The following ARHGEF10 variants were observed in gnomAD, a reference collection of about 807,000 sequenced individuals.
The protein encoded by ARHGEF10 is Rho guanine nucleotide exchange factor 10, also known as Rho guanine nucleotide exchange factor (GEF) 10.
A neutral mutation model predicts 147.4 loss-of-function variants in ARHGEF10; 140 were observed. The observed-to-expected ratio is 0.95, with a 90% CI of 0.83 to 1.09. The LOEUF is 1.09. Ranked by LOEUF, ARHGEF10 falls within the 50% of genes least tolerant of loss-of-function variation. The pLI is 0.00. For missense variants in ARHGEF10, 2,222 were observed against 1,752.7 expected (o/e 1.27, Z -4.78); for synonymous variants, 902 against 695.8 (o/e 1.30, Z -4.67).
rs1022974188 is a variant in ARHGEF10 at position 1,858,069 on chromosome 8, C to T, written c.147C>T (p.Ala49=). 6.2e-7 allele frequency: 1 copy of T among 1,613,824 alleles called. No individual in the cohort carries two copies. Among genetic ancestry groups the T allele is most frequent in the Admixed American group, 1.7e-5 (1 of 59,962 alleles). The change falls in exon 3 of 29, where the codon GCC becomes GCT. Residue 49 remains alanine, a synonymous_variant. Transcript: ENST00000349830. ...IPEADRQAPS[A]PETGGAGASE... ...AAGCGGACAGACAGGCCCCATCCGC[C>T]CCTGAGACAGGAGGTGCTGGAGCCA...
intron 27 of ARHGEF10, among the ~76,000 whole-genome samples, chr8:1,951,653 T>A (rs1815059552): frequency 6.6e-6 from 1 of 152,214 alleles, no homozygotes; most frequent in Non-Finnish European, 1.5e-5. Flanking sequence ...CAGAAAAGAA[T>A]CAAACTGTTT....
chr8:1,837,196 G>T (rs534011376), intron 1 of ARHGEF10, among the ~76,000 whole-genome samples: 1 of 152,374 alleles, frequency 6.6e-6, no homozygotes, highest in African/African-American at 2.4e-5. Context: ...GGCAAGGCCT[G>T]GGCCAGAATC....
intron 1 of ARHGEF10, among the ~76,000 whole-genome samples, chr8:1,834,547 G>A (rs1024725448): frequency 7.9e-5 from 12 of 152,136 alleles, no homozygotes; most frequent in Non-Finnish European, 1.6e-4. Flanking sequence ...GGGTTCTCCC[G>A]AGTCTTAGAG....
At chr8:1,872,094 A>G (rs977386452) in intron 7 of ARHGEF10, among the ~76,000 whole-genome samples, 1 of 152,200 alleles carries the variant, frequency 6.6e-6, no homozygotes, top group African/African-American at 2.4e-5. Flanking sequence ...GAAGGAAGGA[A>G]AAAGTTGATC....
At position 1,941,932 on chromosome 8, in the gene ARHGEF10, T is replaced by A. The variant is rs574133175; in HGVS notation, c.3223-3549T>A. 1.7e-4 allele frequency among the ~76,000 whole-genome samples: 26 copies of A among 152,302 alleles called. No homozygotes were observed. The East Asian group carries it at 5.0e-3, about 29-fold the overall frequency. On this transcript the variant is annotated intron_variant, in intron 26 of 28. Coordinates refer to ENST00000349830, the MANE Select transcript of ARHGEF10 (RefSeq NM_014629.4). ...TTCTTCCATGTGCAGAAGAATGAAG[T>A]TGGACCCCTGCCTCACACCACATAC... is the stretch of plus-strand genomic sequence containing the variant.
intron 18 of ARHGEF10, among the ~76,000 whole-genome samples, chr8:1,919,418 T>TTGGGTGATGGAGCTGTTCCA (rs1187409480): frequency 3.1e-5 from 4 of 128,248 alleles, no homozygotes; most frequent in East Asian, 5.0e-4. Context: ...GAGCTGTTCC[T>TTGGGTGATGGAGCTGTTCCA]TGGGTGATGG....
At chr8:1,864,322 G>C in intron 4 of ARHGEF10, 51 bp from the exon 5 acceptor site, 1 of 1,571,496 alleles carries the variant, frequency 6.4e-7, no homozygotes, top group Non-Finnish European at 8.8e-7. Context: ...TCAACTTCAT[G>C]AGCATTTTTG....
rs750233997 is a variant in ARHGEF10 at position 1,922,990 on chromosome 8, C to T, written c.2170C>T (p.Leu724=). The change falls in exon 19 of 29, where the codon CTG becomes TTG. Residue 724 remains leucine (L), a synonymous_variant. Transcript: ENST00000349830. ...CAAAGTTTACATGGGGCCAGGACAACTGTATCAAGATTTACAAAACTTGTT... is the reference window on the plus strand; with the variant it reads ...CAAAGTTTACATGGGGCCAGGACAATTGTATCAAGATTTACAAAACTTGTT... ...PNKVYMGPGQ[L]YQDLQNLLHD... 7 of 1,613,268 alleles carry T rather than the reference C, an allele frequency of 4.3e-6. No individual in the cohort carries two copies. Among genetic ancestry groups the T allele is most frequent in the Non-Finnish European group, 5.9e-6 (7 of 1,179,730 alleles).
chr8:1,908,282 G>A (rs1428270588), intron 17 of ARHGEF10, among the ~76,000 whole-genome samples: 1 of 142,736 alleles, frequency 7.0e-6, no homozygotes, highest in Non-Finnish European at 1.5e-5. Flanking sequence ...CCAGGCTGGA[G>A]TGCTGTGGCT....
At chr8:1,830,237 G>GCAGGCGGCTCATTTTCCGTGGGGCT (rs1803009788) in intron 1 of ARHGEF10, among the ~76,000 whole-genome samples, 1 of 67,692 alleles carries the variant, frequency 1.5e-5, no homozygotes, top group Admixed American at 1.5e-4. Flanking sequence ...GGCATGCGTG[G>GCAGGCGGCTCATTTTCCGTGGGGCT]CAGGCGGCTC....
chr8:1,837,279 C>CT (rs67054055), intron 1 of ARHGEF10, among the ~76,000 whole-genome samples: 4 of 98,328 alleles, frequency 4.1e-5, no homozygotes, highest in Non-Finnish European at 8.9e-5. Context: ...GGCATGCTCT[C>CT]TGCACAGGGC....
At chr8:1,860,367 C>T (rs911546612) in intron 4 of ARHGEF10, among the ~76,000 whole-genome samples, 183 bp downstream of exon 4, 3 of 147,466 alleles carry the variant, frequency 2.0e-5, no homozygotes, top group African/African-American at 5.1e-5. Flanking sequence ...CCTGTGGTTC[C>T]GTAGAGTCCG....
chr8:1,869,591 A>C (rs1194627284), intron 7 of ARHGEF10: 2 of 423,646 alleles, frequency 4.7e-6, no homozygotes, highest in African/African-American at 4.0e-5. Context: ...AGAGAGAATC[A>C]GGCAAAGGTA....
intron 1 of ARHGEF10, 77 bp downstream of exon 1, chr8:1,824,190 T>G (rs904824480): frequency 6.6e-6 from 1 of 151,764 alleles, no homozygotes; most frequent in Admixed American, 6.6e-5. Flanking sequence ...TCTGCCCGGC[T>G]CCCCCGAAAT....
chr8:1,887,047 G>C (rs1223508853), intron 11 of ARHGEF10, among the ~76,000 whole-genome samples: 5 of 152,166 alleles, frequency 3.3e-5, no homozygotes, highest in African/African-American at 1.2e-4. Context: ...ACACCTTCTT[G>C]CCAGTCCTAT....
In ARHGEF10 at chr8:1,925,809, A is replaced by G. The variant is rs187447446; in HGVS notation, c.2610+405A>G. 1.1e-3 allele frequency among the ~76,000 whole-genome samples: 167 copies of G among 152,122 alleles called. 1 individual carries two copies. Among genetic ancestry groups the G allele is most frequent in the Middle Eastern group, 6.8e-3 (2 of 294 alleles). On this transcript the variant is annotated intron_variant, in intron 22 of 28. Transcript: ENST00000349830. ...CCGTGCCCGCTCTTTGCCTTGGCAG[A>G]CTCCATCTCCAGGGTGGCGTCTTAT...
At chr8:1,835,421 G>A (rs1021939658) in intron 1 of ARHGEF10, among the ~76,000 whole-genome samples, 11 of 152,118 alleles carry the variant, frequency 7.2e-5, no homozygotes, top group Non-Finnish European at 1.5e-4. Context: ...CTGGGCTGGG[G>A]CAGATGCAGA....
intron 28 of ARHGEF10, 118 bp downstream of exon 28, chr8:1,952,945 T>C: frequency 7.1e-7 from 1 of 1,408,122 alleles, no homozygotes; most frequent in Non-Finnish European, 9.8e-7. Context: ...TTATCTGTGG[T>C]TTTTCAGTGT....
chr8:1,925,935 C>T (rs1391241821), intron 22 of ARHGEF10, among the ~76,000 whole-genome samples: 2 of 152,216 alleles, frequency 1.3e-5, no homozygotes, highest in East Asian at 3.9e-4. Context: ...TCTTCTCACC[C>T]TGGTCTCTGG....
Sources: allele counts gnomAD v4.1 joint callset (sites outside exome capture counted in the v4.1 genomes callset), GRCh38; gene constraint gnomAD v4.1.1; transcripts MANE v1.5; gene names NCBI Gene and HGNC (gene_info 2026-07-23, HGNC 2026-07-21).